CFAP46: variants seen among roughly 807,000 people sequenced by gnomAD.
CFAP46 encodes the protein cilia and flagella associated protein 46, also known as cilia- and flagella-associated protein 46.
In CFAP46, 245 loss-of-function variants were observed where a neutral mutation model predicts 325.7. The observed-to-expected ratio is 0.75, with a 90% CI of 0.68 to 0.84. The LOEUF is 0.84. Among genes scored for constraint, CFAP46 ranks in the 40% least tolerant of loss-of-function variants. CFAP46 has a pLI of 0.00. For synonymous variants in CFAP46, 1,523 were observed against 1,495.9 expected (o/e 1.02, Z -0.42); for missense variants, 3,346 against 3,543.0 (o/e 0.94, Z 1.41).
At chr10:132,837,828 C>T (rs1483202018) in intron 44 of CFAP46, among the ~76,000 whole-genome samples, 1 of 151,330 alleles carries the variant, frequency 6.6e-6, no homozygotes, top group African/African-American at 2.4e-5. Flanking sequence ...GATGCACACA[C>T]ACAGACATGC....
rs1038747762 is a variant in CFAP46 at position 132,913,249 on chromosome 10, G to C, written c.2130C>G (p.Ile710Met). The C allele has an allele frequency of 3.0e-5, 46 of 1,550,058 alleles. No individual in the cohort carries two copies. The highest frequency in any genetic ancestry group is 2.2e-4 in the Admixed American group (11 of 50,978). Residue 710 changes from isoleucine to methionine, a missense_variant, in exon 18 of 58, where the codon ATC (isoleucine) becomes ATG (methionine). Physicochemically the swap from Ile to Met is conservative, Grantham distance 10 (BLOSUM62 1). Transcript: ENST00000368586. Reference sequence around the variant, plus strand: ...TCATGGCACACCGGGACAGACTCTCGATCCAGGTTCTGCAAAACGAGCACC... The same window carrying C: ...TCATGGCACACCGGGACAGACTCTCCATCCAGGTTCTGCAAAACGAGCACC... ...NAEWITYRTW[I>M]ESLSRCAMNN...
intron 44 of CFAP46, among the ~76,000 whole-genome samples, chr10:132,840,446 T>C (rs1443143392): frequency 1.3e-5 from 2 of 152,338 alleles, no homozygotes; most frequent in East Asian, 3.9e-4. Flanking sequence ...GTTTCTGATG[T>C]TGTATTGATT....
intron 35 of CFAP46, among the ~76,000 whole-genome samples, chr10:132,862,930 G>A (rs1848744446): frequency 6.6e-6 from 1 of 152,240 alleles, no homozygotes; most frequent in South Asian, 2.1e-4. Context: ...TGAGGGCAAA[G>A]TTGAGGACGG....
rs2135392570 is a variant in CFAP46, at chr10:132,885,099, A to G, written c.3627+4T>C. ...CACGTGCACCCACGCTTACGGCTTCACACCTGCAAGGCCTGGATGGCGTTG... is the reference window on the plus strand; with the variant it reads ...CACGTGCACCCACGCTTACGGCTTCGCACCTGCAAGGCCTGGATGGCGTTG... On this transcript the variant is annotated splice_donor_region_variant and intron_variant, in intron 27 of 57. Coordinates refer to ENST00000368586, the MANE Select transcript of CFAP46 (RefSeq NM_001200049.3). 5 of 1,542,636 alleles carry G rather than the reference A, an allele frequency of 3.2e-6. No homozygotes were observed. The highest frequency in any genetic ancestry group is 4.4e-6 in the Non-Finnish European group (5 of 1,142,186).
At chr10:132,843,804 G>T in intron 44 of CFAP46, among the ~76,000 whole-genome samples, 2 of 77,050 alleles carry the variant, frequency 2.6e-5, no homozygotes, top group Middle Eastern at 0.013. Flanking sequence ...CTCTGGTCTC[G>T]GTGGGTGTTC....
Position 132,913,134 on chromosome 10 carries a change from G to T in CFAP46, c.2245C>A (p.His749Asn). The T allele has an allele frequency of 1.3e-6, 2 of 1,550,424 alleles. No homozygotes were observed. The highest frequency in any genetic ancestry group is 1.7e-6 in the Non-Finnish European group (2 of 1,146,980). ...TGCCGCCCGGCCAGGATCAGGTGGTGGTTGTGGTTCAGGACGTAGACCACG... is the reference window on the plus strand; with the variant it reads ...TGCCGCCCGGCCAGGATCAGGTGGTTGTTGTGGTTCAGGACGTAGACCACG... ...NAVVYVLNHN[H>N]HLILAGRQKE... is the part of the protein sequence containing the mutation. The change falls in exon 18 of 58, where the codon CAC becomes AAC. Residue 749 changes from histidine to asparagine, a missense_variant. Transcript: ENST00000368586.
chr10:132,836,849 A>G lies in CFAP46; in HGVS notation c.6504T>C (p.Phe2168=). 6.2e-7 allele frequency: 1 copy of G among 1,613,876 alleles called. No individual in the cohort carries two copies. The highest frequency in any genetic ancestry group is 1.7e-5 in the Admixed American group (1 of 60,026). Residue 2168 remains phenylalanine, a synonymous_variant, in exon 45 of 58, where the codon TTT becomes TTC. Transcript: ENST00000368586. Reference sequence around the variant, plus strand: ...CTGAGAGGTGCAGAAAGAGGATCCAAAAGGTCGGAGGCATCTCATTCAAGA... The same window carrying G: ...CTGAGAGGTGCAGAAAGAGGATCCAGAAGGTCGGAGGCATCTCATTCAAGA... The part of the protein sequence containing the change: ...FNLLNEMPPT[F]WILFLHLSGD...
At position 132,860,478 on chromosome 10, in the gene CFAP46, T is replaced by G; in HGVS notation, c.5137A>C (p.Lys1713Gln). Residue 1713 changes from lysine to glutamine, a missense_variant, in exon 37 of 58, where the codon AAG (lysine) becomes CAG (glutamine). Physicochemically the swap from Lys to Gln is moderately conservative, Grantham distance 53 (BLOSUM62 1). Transcript: ENST00000368586. ...GGCAATCGGTTTGGTCTTTCTTTCT[T>G]GAGGATCTTGAAGGCATTGATGAGC... is the stretch of plus-strand genomic sequence containing the variant. ...QKLINAFKIL[K>Q]KERPNRLPLL... The G allele has an allele frequency of 6.4e-7, 1 of 1,551,262 alleles. No individual in the cohort carries two copies. The highest frequency in any genetic ancestry group is 8.7e-7 in the Non-Finnish European group (1 of 1,147,138).
chr10:132,811,453 T>C (rs1256774863), intron 55 of CFAP46, among the ~76,000 whole-genome samples: 1 of 152,090 alleles, frequency 6.6e-6, no homozygotes, highest in South Asian at 2.1e-4. Flanking sequence ...TGGGGGCTGA[T>C]GTGAGGGGGC....
chr10:132,869,273 C>T lies in CFAP46; in HGVS notation c.4610+1G>A. On this transcript the variant is annotated splice_donor_variant, in intron 33 of 57. Coordinates refer to ENST00000368586, the MANE Select transcript of CFAP46 (RefSeq NM_001200049.3). LOFTEE classifies it high-confidence loss of function. This position sits in a 1 kb window ranked among gnomAD's most constrained non-coding sequence, Gnocchi z 6.2. ...GCGGCGCAGGGTGGGACGGCACACA[C>T]CTGGCCTGCTCCAGCTCGCTGACGC... is the stretch of plus-strand genomic sequence containing the variant. 1 of 1,533,176 alleles carries T rather than the reference C, an allele frequency of 6.5e-7. No individual in the cohort carries two copies. The allele number at this position is 1,533,176 out of a possible 1,614,324, so 95.0% of individuals were successfully genotyped here. A position where few individuals can be genotyped will look rare whatever the true frequency, so the allele number is the denominator to read the frequency against.
chr10:132,913,360 AGAAG>A, intron 17 of CFAP46, 102 bp from the exon 18 acceptor site: 5 of 396,320 alleles, frequency 1.3e-5, no homozygotes, highest in East Asian at 7.1e-5. Flanking sequence ...CTGCAGGGCA[AGAAG>A]TGGGAGGGGC....
chr10:132,914,005 C>A (rs1268938396), intron 17 of CFAP46, among the ~76,000 whole-genome samples: 1 of 152,188 alleles, frequency 6.6e-6, no homozygotes, highest in Non-Finnish European at 1.5e-5. Flanking sequence ...CCCCCGCTCA[C>A]CCCTGCAAAC....
intron 39 of CFAP46, 72 bp downstream of exon 39, chr10:132,857,518 G>A (rs1848659255): frequency 2.0e-6 from 3 of 1,468,784 alleles, no homozygotes; most frequent in Non-Finnish European, 2.8e-6. Context: ...TGGCTTGTAA[G>A]GTAAGTTACA....
chr10:132,942,071 ATCAAC>A lies in CFAP46; in HGVS notation c.78_82del (p.Glu26AspfsTer12). Reference sequence around the variant, plus strand: ...CGATTTCCCTAGGTTGGCCGATTTGATCAACTCGTAGGCCTTCTTCAAGGACGCAG... The same window carrying A: ...CGATTTCCCTAGGTTGGCCGATTTGATCGTAGGCCTTCTTCAAGGACGCAG... On this transcript the variant is annotated frameshift_variant, in exon 2 of 58. Coordinates refer to ENST00000368586, the MANE Select transcript of CFAP46 (RefSeq NM_001200049.3). LOFTEE classifies it high-confidence loss of function. 1.3e-6 allele frequency: 2 copies of A among 1,551,704 alleles called. No individual in the cohort carries two copies. The highest frequency in any genetic ancestry group is 1.7e-6 in the Non-Finnish European group (2 of 1,146,996).
intron 18 of CFAP46, 42 bp downstream of exon 18, chr10:132,913,004 A>G (rs1849577423): frequency 1.3e-6 from 2 of 1,536,392 alleles, no homozygotes; most frequent in Admixed American, 2.0e-5. Flanking sequence ...TCCCAAGGGA[A>G]GAAGCCCCTC....
chr10:132,873,521 A>C (rs749109399), intron 31 of CFAP46, among the ~76,000 whole-genome samples: 23 of 152,124 alleles, frequency 1.5e-4, no homozygotes, highest in Admixed American at 2.6e-4. Context: ...TCAGGCACTG[A>C]GGCAGCTGAG....
intron 27 of CFAP46, among the ~76,000 whole-genome samples, chr10:132,881,752 G>C (rs983384775): frequency 1.3e-5 from 2 of 152,264 alleles, no homozygotes; most frequent in African/African-American, 4.8e-5. Context: ...CTCCAGCAGG[G>C]TGGACCTCGC....
chr10:132,912,512 CCTCT>C (rs1386116806), intron 19 of CFAP46, 139 bp downstream of exon 19: 50 of 568,984 alleles, frequency 8.8e-5, no homozygotes, highest in Non-Finnish European at 2.1e-5. Context: ...TCTCTCCTCT[CCTCT>C]CTCTCTCTTC....
rs140543058 is a variant in CFAP46 at position 132,929,243 on chromosome 10, T to C, written c.966+462A>G. 3.2e-4 allele frequency: 183 copies of C among 563,466 alleles called. 1 individual carries two copies. The highest frequency in any genetic ancestry group is 3.0e-3 in the African/African-American group (161 of 53,588). 34.9% of individuals were successfully genotyped at this position (563,466 alleles called of 1,614,324 possible). A position where few individuals can be genotyped will look rare whatever the true frequency, so the allele number is the denominator to read the frequency against. On this transcript the variant is annotated intron_variant, in intron 9 of 57. Transcript: ENST00000368586. ...ATAATAAGATACAATCATAACACTA[T>C]ACTGTAACAGAAGTGATGTGGCTGT...
Sources: allele counts gnomAD v4.1 joint callset (sites outside exome capture counted in the v4.1 genomes callset), GRCh38; gene constraint gnomAD v4.1.1; non-coding constraint Gnocchi (gnomAD v3.1); transcripts MANE v1.5; gene names NCBI Gene and HGNC (gene_info 2026-07-23, HGNC 2026-07-21).